The following FBN2 variants were observed in gnomAD, a reference collection of about 807,000 sequenced individuals.
The protein encoded by FBN2 is fibrillin-2.
FBN2 carries 105 observed loss-of-function variants against 355.6 expected under a neutral mutation model. The ratio of observed to expected loss-of-function variants is 0.30; its 90% CI spans 0.25 to 0.35. The LOEUF (loss-of-function observed/expected upper bound fraction) is 0.35, where lower values mean the gene tolerates loss of function less well. Among genes scored for constraint, FBN2 ranks in the 10% least tolerant of loss-of-function variants. The pLI is 1.00. For synonymous variants in FBN2, 1,350 were observed against 1,301.2 expected (o/e 1.04, Z -0.81); for missense variants, 3,280 against 3,758.7 (o/e 0.87, Z 3.33).
At chr5:128,412,644 C>A (rs1393746572) in intron 7 of FBN2, among the ~76,000 whole-genome samples, 3 of 152,182 alleles carry the variant, frequency 2.0e-5, no homozygotes, top group African/African-American at 7.2e-5. Context: ...TTGAAGAATG[C>A]ACAGTGTACT....
At chr5:128,343,793 T>C (rs1485333096) in intron 25 of FBN2, among the ~76,000 whole-genome samples, 4 of 152,236 alleles carry the variant, frequency 2.6e-5, no homozygotes, top group African/African-American at 9.6e-5. Context: ...AATGACTGTA[T>C]TTCTTTAGTA....
At position 128,349,327 on chromosome 5, in the gene FBN2, C is replaced by T. The variant is rs374450061; in HGVS notation, c.2989+20G>A. On this transcript the variant is annotated intron_variant, in intron 23 of 64. Coordinates refer to ENST00000262464, the MANE Select transcript of FBN2 (RefSeq NM_001999.4). ...CATGGCTTGTTTTATACATAGAATA[C>T]ATGAGGGTGTGAATCTTACCCAAAC... is the stretch of plus-strand genomic sequence containing the variant. 20 of 1,613,770 alleles carry T rather than the reference C, an allele frequency of 1.2e-5. No individual in the cohort carries two copies. In the African/African-American group the frequency reaches 2.7e-4, roughly 22 times the overall value.
chr5:128,464,763 G>T lies in FBN2; in HGVS notation c.787C>A (p.Arg263=), dbSNP rs151329128. The T allele has an allele frequency of 6.2e-7, 1 of 1,614,054 alleles. No individual in the cohort carries two copies. Among genetic ancestry groups the T allele is most frequent in the Non-Finnish European group, 8.5e-7 (1 of 1,180,002 alleles). Reference sequence around the variant, plus strand: ...GTGCGGATGTTGGGGATGAAACCCCGTCGGCAGGGCTGAGGCTGGGCTGGA... The same window carrying T: ...GTGCGGATGTTGGGGATGAAACCCCTTCGGCAGGGCTGAGGCTGGGCTGGA... ...MCPAQPQPCR[R]GFIPNIRTGA... Residue 263 remains arginine, a synonymous_variant, in exon 6 of 65, where the codon CGG becomes AGG. Transcript: ENST00000262464.
intron 7 of FBN2, 49 bp from the exon 8 acceptor site, chr5:128,408,848 T>C (rs1752998340): frequency 1.9e-6 from 3 of 1,610,728 alleles, no homozygotes; most frequent in Non-Finnish European, 2.5e-6. Flanking sequence ...CTTCATTAAA[T>C]AGCTTTTAAA....
intron 19 of FBN2, among the ~76,000 whole-genome samples, chr5:128,360,152 A>T (rs1457972511): frequency 6.6e-6 from 1 of 152,146 alleles, no homozygotes; most frequent in Admixed American, 6.5e-5. Context: ...AAGGAAGTGT[A>T]GAAAATCAGG....
chr5:128,535,358 A>G (rs886131105), intron 2 of FBN2, among the ~76,000 whole-genome samples: 10 of 152,330 alleles, frequency 6.6e-5, no homozygotes, highest in African/African-American at 2.4e-4. Flanking sequence ...AAATGCCACT[A>G]CATCCTTATT....
chr5:128,479,275 T>C (rs1041324667), intron 5 of FBN2, among the ~76,000 whole-genome samples: 3 of 152,194 alleles, frequency 2.0e-5, no homozygotes, highest in African/African-American at 7.2e-5. Flanking sequence ...ACATAGAACC[T>C]AAAATCTCAC....
intron 5 of FBN2, among the ~76,000 whole-genome samples, chr5:128,465,492 A>G (rs1754685509): frequency 1.3e-5 from 2 of 152,290 alleles, no homozygotes; most frequent in South Asian, 4.1e-4. Flanking sequence ...CAAATCAATA[A>G]AGATATGCTC....
intron 23 of FBN2, among the ~76,000 whole-genome samples, chr5:128,347,529 TTA>T (rs1360434604): frequency 6.6e-6 from 1 of 152,142 alleles, no homozygotes. Flanking sequence ...CGTCACTCAT[TTA>T]TATGTTACAT....
rs373419300 is a variant in FBN2 at position 128,378,008 on chromosome 5, G to GTTT, written c.1724-134_1724-132dup. On this transcript the variant is annotated intron_variant, in intron 12 of 64. Coordinates refer to ENST00000262464, the MANE Select transcript of FBN2 (RefSeq NM_001999.4). ...TTAGCAAAATTTCTGTCTCTCAGCA[G>GTTT]TTTTTTTTTTTTTTTTTGGATAGGT... is the stretch of plus-strand genomic sequence containing the variant. 0.055 allele frequency: 27,326 copies of GTTT among 498,426 alleles called. 455 individuals carry two copies. The highest frequency in any genetic ancestry group is 0.066 in the Non-Finnish European group (19,589 of 298,020). The allele number at this position is 498,426 out of a possible 1,614,324, so 30.9% of individuals were successfully genotyped here. A position where few individuals can be genotyped will look rare whatever the true frequency, so the allele number is the denominator to read the frequency against.
intron 33 of FBN2, among the ~76,000 whole-genome samples, chr5:128,330,363 G>A (rs935335933): frequency 5.3e-5 from 8 of 152,146 alleles, no homozygotes; most frequent in South Asian, 2.1e-4. Context: ...TACAAATGCC[G>A]TTATTTGAAA....
intron 23 of FBN2, among the ~76,000 whole-genome samples, chr5:128,348,756 C>T (rs753934277): frequency 5.3e-5 from 8 of 152,022 alleles, no homozygotes; most frequent in Non-Finnish European, 8.8e-5. Flanking sequence ...CTTTTTCAAT[C>T]ATGAAATTCA....
intron 14 of FBN2, 88 bp downstream of exon 14, chr5:128,376,643 G>A: frequency 6.8e-7 from 1 of 1,460,804 alleles, no homozygotes; most frequent in Non-Finnish European, 9.6e-7. Context: ...AGCCACATGG[G>A]GAAGCTGAAG....
At chr5:128,476,206 C>T (rs1002469653) in intron 5 of FBN2, among the ~76,000 whole-genome samples, 3 of 151,806 alleles carry the variant, frequency 2.0e-5, no homozygotes, top group African/African-American at 7.3e-5. Flanking sequence ...ATTGATTAAA[C>T]CAAAATGATA....
intron 11 of FBN2, among the ~76,000 whole-genome samples, chr5:128,388,768 T>A (rs1752432848): frequency 6.6e-6 from 1 of 152,120 alleles, no homozygotes; most frequent in African/African-American, 2.4e-5. Flanking sequence ...GCCTTTAAAA[T>A]TTTTTTATTT....
chr5:128,472,290 A>T (rs1581326332), intron 5 of FBN2, among the ~76,000 whole-genome samples: 1 of 152,230 alleles, frequency 6.6e-6, no homozygotes, highest in Non-Finnish European at 1.5e-5. Flanking sequence ...GATTTCACTT[A>T]CACAAGGTAT....
chr5:128,338,281 G>A (rs1408837589), intron 26 of FBN2, among the ~76,000 whole-genome samples, 159 bp from the exon 27 acceptor site: 5 of 152,134 alleles, frequency 3.3e-5, no homozygotes, highest in African/African-American at 1.2e-4. Flanking sequence ...CTTTTCCTAC[G>A]ACCAACAGAA....
chr5:128,306,190 T>C (rs1465416839), intron 42 of FBN2, among the ~76,000 whole-genome samples: 2 of 152,208 alleles, frequency 1.3e-5, no homozygotes, highest in Non-Finnish European at 2.9e-5. Context: ...AGAGTCAATA[T>C]AGCAAATGAA....
intron 6 of FBN2, among the ~76,000 whole-genome samples, chr5:128,461,444 G>A (rs188691292): frequency 9.8e-5 from 15 of 152,288 alleles, no homozygotes; most frequent in East Asian, 7.7e-4. Flanking sequence ...ACAGTATGGC[G>A]ATTCCTCAAG....
Sources: gnomAD v4.1 joint callset for allele counts (sites outside exome capture counted in the v4.1 genomes callset) on GRCh38, gnomAD v4.1.1 for gene constraint, MANE v1.5 for transcripts, NCBI Gene and HGNC (gene_info 2026-07-23, HGNC 2026-07-21) for gene names.